The following UCKL1 variants were observed in gnomAD, a reference collection of about 807,000 sequenced individuals.
UCKL1 encodes the protein uridine-cytidine kinase-like 1.
In UCKL1, 65 loss-of-function variants were observed where a neutral mutation model predicts 59.2. The ratio of observed to expected loss-of-function variants is 1.10; its 90% CI spans 0.90 to 1.35. The LOEUF (loss-of-function observed/expected upper bound fraction) is 1.35, where lower values mean the gene tolerates loss of function less well. UCKL1 is among the 40% of genes most tolerant of loss of function. The pLI is 0.00. For missense variants in UCKL1, 703 were observed against 784.3 expected, an observed-to-expected ratio of 0.90 and a Z score of 1.24; for synonymous variants, 410 against 323.1, an observed-to-expected ratio of 1.27 and a Z score of -2.88.
chr20:63,956,136 C>T, intron 1 of UCKL1, 124 bp downstream of exon 1: 2 of 969,296 alleles, frequency 2.1e-6, no homozygotes, highest in Non-Finnish European at 2.8e-6. Flanking sequence ...AACGGGGCGC[C>T]GCCGCCTGGC....
In UCKL1 at chr20:63,943,676, C is replaced by T. The variant is rs760686270; in HGVS notation, c.907-7G>A. ...ACCTGACGCTGAGTTCACGCTGTGG[C>T]AGCAACACAGGAAGACACAAGGGAA... is the stretch of plus-strand genomic sequence containing the variant. On this transcript the variant is annotated splice_polypyrimidine_tract_variant and splice_region_variant and intron_variant, in intron 7 of 14. Coordinates refer to ENST00000354216, the MANE Select transcript of UCKL1 (RefSeq NM_017859.4). The T allele has an allele frequency of 6.2e-7, 1 of 1,612,646 alleles. No homozygotes were observed. Among genetic ancestry groups the T allele is most frequent in the Non-Finnish European group, 8.5e-7 (1 of 1,179,882 alleles).
chr20:63,945,717 T>C lies in UCKL1; in HGVS notation c.588A>G (p.Thr196=), dbSNP rs759573062. The C allele has an allele frequency of 5.6e-6, 9 of 1,613,052 alleles. No homozygotes were observed. Among genetic ancestry groups the C allele is most frequent in the Non-Finnish European group, 7.6e-6 (9 of 1,179,742 alleles). ...TTHSRKKDWK[T]LYGANVIIFE... is the part of the protein sequence containing the mutation. ...AGATGATGACGTTTGCACCATACAG[T>C]GTTTTCTGTGAAGAAACCCAGGAGT... is the stretch of plus-strand genomic sequence containing the variant. Residue 196 remains threonine (T), a synonymous_variant, in exon 5 of 15, where the codon ACA becomes ACG. Coordinates refer to ENST00000354216, the MANE Select transcript of UCKL1 (RefSeq NM_017859.4).
At chr20:63,956,115 G>C in intron 1 of UCKL1, 145 bp downstream of exon 1, 1 of 779,184 alleles carries the variant, frequency 1.3e-6, no homozygotes, top group Non-Finnish European at 1.9e-6. Context: ...GTTCCACCCG[G>C]CACGTGGGAG....
chr20:63,946,295 G>A (rs1293119800), intron 2 of UCKL1, 28 bp from the exon 3 acceptor site: 1 of 1,564,734 alleles, frequency 6.4e-7, no homozygotes, highest in Non-Finnish European at 8.7e-7. Flanking sequence ...GACCCTCTGT[G>A]AGGAACAGGC....
rs1361512129 is a variant in UCKL1 at position 63,944,652 on chromosome 20, C to A, written c.737G>T (p.Gly246Val). The change falls in exon 6 of 15, where the codon GGC (glycine) becomes GTC (valine). Residue 246 changes from glycine to valine, a missense_variant. Physicochemically the swap from Gly to Val is moderately radical, Grantham distance 109 (BLOSUM62 -3). Transcript: ENST00000354216. ...RRLRRDISERGRDIEGVIKQY... is the reference protein window; with the variant it reads ...RRLRRDISERVRDIEGVIKQY... ...CTTGATGACACCCTCGATGTCCCGGCCGCGCTCACTGATGTCCCGGCGCAG... is the reference window on the plus strand; with the variant it reads ...CTTGATGACACCCTCGATGTCCCGGACGCGCTCACTGATGTCCCGGCGCAG... The A allele has an allele frequency of 1.2e-5, 19 of 1,612,768 alleles. No homozygotes were observed. The highest frequency in any genetic ancestry group is 1.6e-5 in the Non-Finnish European group (19 of 1,179,954).
intron 5 of UCKL1, 128 bp downstream of exon 5, chr20:63,945,523 A>T: frequency 1.1e-6 from 1 of 918,106 alleles, no homozygotes; most frequent in Non-Finnish European, 1.6e-6. Flanking sequence ...GGGTTGGGGT[A>T]GGGAGTGGCT....
chr20:63,950,816 G>A (rs776074957), intron 1 of UCKL1: 33 of 1,537,152 alleles, frequency 2.1e-5, no homozygotes, highest in African/African-American at 2.8e-5. Flanking sequence ...GTAAGCTGGG[G>A]GGCTGCTCAT....
intron 1 of UCKL1, 91 bp from the exon 2 acceptor site, chr20:63,946,734 C>T (rs899217474): frequency 3.6e-6 from 5 of 1,373,740 alleles, no homozygotes; most frequent in Non-Finnish European, 5.0e-6. Flanking sequence ...ACCCCCCCCA[C>T]CCCCTCAACA....
intron 1 of UCKL1, chr20:63,950,917 TCAC>T (rs1473958085): frequency 7.2e-6 from 10 of 1,398,326 alleles, no homozygotes; most frequent in Non-Finnish European, 8.3e-6. Context: ...GTGGGGGACA[TCAC>T]CACCTCAGAC....
At chr20:63,941,823 C>T (rs2054548166) in intron 8 of UCKL1, among the ~76,000 whole-genome samples, 1 of 143,586 alleles carries the variant, frequency 7.0e-6, no homozygotes, top group Non-Finnish European at 1.5e-5. Flanking sequence ...AGGGAGGAGG[C>T]AAAGCCGGAA....
chr20:63,956,245 G>A lies in UCKL1; in HGVS notation c.113+15C>T, dbSNP rs2058654641. 6.6e-7 allele frequency: 1 copy of A among 1,517,340 alleles called. No homozygotes were observed. The highest frequency in any genetic ancestry group is 8.8e-7 in the Non-Finnish European group (1 of 1,134,852). The allele number at this position is 1,517,340 out of a possible 1,614,324, so 94.0% of individuals were successfully genotyped here. Reference sequence around the variant, plus strand: ...TCCCGCTCGCCAGTGGAGTGGAGGCGAGGCCCACGCCTACCGGTCCTCGCA... The same window carrying A: ...TCCCGCTCGCCAGTGGAGTGGAGGCAAGGCCCACGCCTACCGGTCCTCGCA... On this transcript the variant is annotated intron_variant, in intron 1 of 14. Coordinates refer to ENST00000354216, the MANE Select transcript of UCKL1 (RefSeq NM_017859.4).
In UCKL1 at chr20:63,939,889, A is replaced by G. The variant is rs2053888049; in HGVS notation, c.*87T>C. On this transcript the variant is annotated 3_prime_UTR_variant, in exon 15 of 15. Coordinates refer to ENST00000354216, the MANE Select transcript of UCKL1 (RefSeq NM_017859.4). ...GCATAGAATAAATTATACTAGTAAC[A>G]TTTTAAAAATTAACATCTTTGTATT... 5.3e-6 allele frequency: 6 copies of G among 1,142,768 alleles called. No homozygotes were observed. The South Asian group carries it at 8.2e-5, about 16-fold the overall frequency. The allele number at this position is 1,142,768 out of a possible 1,614,324, so 70.8% of individuals were successfully genotyped here. A position where few individuals can be genotyped will look rare whatever the true frequency, so the allele number is the denominator to read the frequency against.
intron 7 of UCKL1, 100 bp downstream of exon 7, chr20:63,944,297 C>T (rs1367721633): frequency 3.1e-5 from 38 of 1,213,034 alleles, no homozygotes; most frequent in East Asian, 1.8e-4. Context: ...GGACAGTGAA[C>T]GCAGGGGGAT....
chr20:63,949,270 CA>C (rs2057197330), intron 1 of UCKL1, among the ~76,000 whole-genome samples: 2 of 152,148 alleles, frequency 1.3e-5, no homozygotes, highest in South Asian at 4.1e-4. Context: ...GGCCAGGCGC[CA>C]AGACGACCAG....
At chr20:63,954,579 C>G (rs2058248528) in intron 1 of UCKL1, 1 of 152,336 alleles carries the variant, frequency 6.6e-6, no homozygotes, top group Non-Finnish European at 1.5e-5. Flanking sequence ...TGGGGACACG[C>G]TCGGGGAACA....
chr20:63,941,132 G>C lies in UCKL1; in HGVS notation c.1000C>G (p.Arg334Gly). Reference sequence around the variant, plus strand: ...CACCTGATGATGGTGTGCATGCCCCGTACCTGCGGCGTGCTCTTCAGGACG... The same window carrying C: ...CACCTGATGATGGTGTGCATGCCCCCTACCTGCGGCGTGCTCTTCAGGACG... ...LSVLKSTPQV[R>G]GMHTIIRDKE... The change falls in exon 9 of 15, where the codon CGG (arginine) becomes GGG (glycine). Residue 334 changes from arginine (R) to glycine (G), a missense_variant. Coordinates refer to ENST00000354216, the MANE Select transcript of UCKL1 (RefSeq NM_017859.4). 1 of 1,595,934 alleles carries C rather than the reference G, an allele frequency of 6.3e-7. No homozygotes were observed. The highest frequency in any genetic ancestry group is 8.5e-7 in the Non-Finnish European group (1 of 1,174,580).
chr20:63,942,671 G>C (rs1238754694), intron 8 of UCKL1: 1 of 506,230 alleles, frequency 2.0e-6, no homozygotes, highest in Non-Finnish European at 4.1e-6. Flanking sequence ...TCCTGCCCCC[G>C]ACCAAGGCTT....
At chr20:63,947,695 A>G (rs2056619536) in intron 1 of UCKL1, among the ~76,000 whole-genome samples, 1 of 152,216 alleles carries the variant, frequency 6.6e-6, no homozygotes, top group East Asian at 1.9e-4. Flanking sequence ...CCAAGACAGA[A>G]ACCTCCGGCA....
intron 1 of UCKL1, chr20:63,954,214 T>C (rs757221606): frequency 6.5e-6 from 1 of 153,256 alleles, no homozygotes; most frequent in Non-Finnish European, 1.5e-5. Flanking sequence ...GGACCTGCCC[T>C]GCACAGATCA....
Sources: allele counts gnomAD v4.1 joint callset (sites outside exome capture counted in the v4.1 genomes callset), GRCh38; gene constraint gnomAD v4.1.1; transcripts MANE v1.5; gene names NCBI Gene and HGNC (gene_info 2026-07-23, HGNC 2026-07-21).